Variants in CDH13 observed in about 807,000 individuals in gnomAD.
CDH13 encodes cadherin-13.
A neutral mutation model predicts 63.8 loss-of-function variants in CDH13; 24 were observed. The ratio of observed to expected loss-of-function variants is 0.38; its 90% CI spans 0.27 to 0.53. CDH13 has a LOEUF of 0.53. Among genes scored for constraint, CDH13 ranks in the 20% least tolerant of loss-of-function variants. The pLI, the probability that CDH13 is intolerant of heterozygous loss-of-function variation, is 0.85. For missense variants in CDH13, 1,049 were observed against 903.1 expected, an observed-to-expected ratio of 1.16 and a Z score of -2.07; for synonymous variants, 503 against 355.3, an observed-to-expected ratio of 1.42 and a Z score of -4.67.
chr16:83,391,652 C>G (rs1053295840), intron 6 of CDH13, among the ~76,000 whole-genome samples: 1 of 152,204 alleles, frequency 6.6e-6, no homozygotes, highest in African/African-American at 2.4e-5. Context: ...CCAGAGTATC[C>G]TCACACAGGG....
intron 10 of CDH13, among the ~76,000 whole-genome samples, chr16:83,739,408 G>A (rs967158178): frequency 6.6e-6 from 1 of 152,196 alleles, no homozygotes; most frequent in East Asian, 1.9e-4. Context: ...GGTTTCCCCA[G>A]GATGTTGCCC....
chr16:82,930,357 G>A (rs2042450498), intron 2 of CDH13, among the ~76,000 whole-genome samples: 1 of 152,080 alleles, frequency 6.6e-6, no homozygotes, highest in Admixed American at 6.5e-5. Context: ...TACTGTAATA[G>A]ATCAACAGCT....
intron 2 of CDH13, among the ~76,000 whole-genome samples, chr16:82,912,859 C>A (rs935694530): frequency 6.6e-6 from 1 of 151,328 alleles, no homozygotes; most frequent in African/African-American, 2.4e-5. Flanking sequence ...AGGAGAATGG[C>A]GTGAACCCGG....
intron 1 of CDH13, among the ~76,000 whole-genome samples, chr16:82,642,784 A>T (rs189276631): frequency 5.1e-4 from 77 of 152,336 alleles, no homozygotes; most frequent in African/African-American, 1.6e-3. Flanking sequence ...AGTGCTTCAG[A>T]TGCATTAATC....
intron 6 of CDH13, among the ~76,000 whole-genome samples, chr16:83,353,794 G>C (rs1319604547): frequency 1.3e-5 from 2 of 152,078 alleles, no homozygotes; most frequent in Non-Finnish European, 2.9e-5. Context: ...TTTGTATTCT[G>C]GGTGAACTGG....
intron 5 of CDH13, among the ~76,000 whole-genome samples, chr16:83,266,864 C>G (rs7184408): frequency 0.24 from 35,952 of 152,046 alleles, 4,539 homozygotes; most frequent in Admixed American, 0.29. Flanking sequence ...TTCCTGGTCT[C>G]AAGTCGGGAT....
At chr16:83,134,532 G>T (rs1182608643) in intron 4 of CDH13, among the ~76,000 whole-genome samples, 1 of 138,690 alleles carries the variant, frequency 7.2e-6, no homozygotes, top group African/African-American at 2.7e-5. Context: ...TTTATGTGGG[G>T]ATGGGGTGGG....
chr16:83,454,793 A>C (rs978886390), intron 6 of CDH13, among the ~76,000 whole-genome samples: 1 of 151,804 alleles, frequency 6.6e-6, no homozygotes, highest in African/African-American at 2.4e-5. Context: ...TGCAACCTCC[A>C]CCTCCCGGGT....
chr16:83,649,919 C>T (rs1912201536), intron 8 of CDH13, among the ~76,000 whole-genome samples: 1 of 152,206 alleles, frequency 6.6e-6, no homozygotes, highest in Admixed American at 6.5e-5. Context: ...AAAGCCCACA[C>T]TTTGCATAGG....
At chr16:83,457,102 C>A (rs575577755) in intron 6 of CDH13, among the ~76,000 whole-genome samples, 49 of 152,226 alleles carry the variant, frequency 3.2e-4, no homozygotes, top group African/African-American at 1.1e-3. Context: ...AGGATGGAGT[C>A]CAAGCCAAAA....
rs187937615 is a variant in CDH13 at position 83,032,001 on chromosome 16, G to A, written c.158-9G>A. ...TCATGCTCCTTCTGTTGTTTCGTTT[G>A]TTTCCCAGTGACCTTCAGTGACTGT... On this transcript the variant is annotated splice_polypyrimidine_tract_variant and intron_variant, in intron 2 of 13. Transcript: ENST00000567109. The A allele has an allele frequency of 7.6e-6, 12 of 1,572,408 alleles. No homozygotes were observed. The East Asian group carries it at 2.6e-4, about 34-fold the overall frequency.
chr16:83,114,287 GT>G (rs1327344899), intron 3 of CDH13, among the ~76,000 whole-genome samples: 1 of 152,172 alleles, frequency 6.6e-6, no homozygotes, highest in African/African-American at 2.4e-5. Flanking sequence ...TGGAGATGTT[GT>G]TTCTGATGTT....
At chr16:82,767,877 C>A (rs2035118040) in intron 1 of CDH13, among the ~76,000 whole-genome samples, 1 of 152,164 alleles carries the variant, frequency 6.6e-6, no homozygotes, top group South Asian at 2.1e-4. Flanking sequence ...ACTTAGCTTT[C>A]CAGGGAGGGG....
Position 83,015,677 on chromosome 16 carries a change from G to GTATATATATATATA in CDH13, c.158-16300_158-16287dup, listed in dbSNP as rs71148803. Among the ~76,000 whole-genome samples the GTATATATATATATA allele has an allele frequency of 3.2e-3, 122 of 37,544 alleles. 7 individuals are homozygous for GTATATATATATATA. The highest frequency in any genetic ancestry group is 3.4e-3 in the Non-Finnish European group (70 of 20,596). The allele number at this position is 37,544 out of a possible 152,430, so 24.6% of individuals were successfully genotyped here. A position where few individuals can be genotyped will look rare whatever the true frequency, so the allele number is the denominator to read the frequency against. ...CATATATGTGTGTGTGTGTGTGTAT[G>GTATATATATATATA]TATATATATATATATATATATATAT... On this transcript the variant is annotated intron_variant, in intron 2 of 13. Coordinates refer to ENST00000567109, the MANE Select transcript of CDH13 (RefSeq NM_001257.5).
At chr16:82,687,593 A>C (rs566666576) in intron 1 of CDH13, among the ~76,000 whole-genome samples, 2 of 152,176 alleles carry the variant, frequency 1.3e-5, no homozygotes, top group African/African-American at 4.8e-5. Context: ...CGTGAGACTT[A>C]TTCACTATCA....
chr16:82,656,278 G>A (rs1443743619), intron 1 of CDH13, among the ~76,000 whole-genome samples: 2 of 151,762 alleles, frequency 1.3e-5, no homozygotes, highest in African/African-American at 2.4e-5. Context: ...GGAGAAAGAG[G>A]CTGGAGTGCA....
chr16:82,790,663 C>G (rs1034459038), intron 1 of CDH13, among the ~76,000 whole-genome samples: 4 of 152,138 alleles, frequency 2.6e-5, no homozygotes, highest in African/African-American at 9.7e-5. Context: ...TTAATTGACT[C>G]ACAGTTCACC....
At chr16:83,061,468 C>T (rs1054001914) in intron 3 of CDH13, among the ~76,000 whole-genome samples, 3 of 152,182 alleles carry the variant, frequency 2.0e-5, no homozygotes. Flanking sequence ...GGATGAGTAA[C>T]TGGCAGGTCC....
intron 3 of CDH13, among the ~76,000 whole-genome samples, chr16:83,099,625 C>G (rs1254089119): frequency 1.2e-5 from 1 of 82,630 alleles, no homozygotes; most frequent in Non-Finnish European, 2.7e-5. Flanking sequence ...TGCCGGGCCT[C>G]TACATATTAC....
Sources: gnomAD v4.1 joint callset for allele counts (sites outside exome capture counted in the v4.1 genomes callset) on GRCh38, gnomAD v4.1.1 for gene constraint, MANE v1.5 for transcripts, NCBI Gene and HGNC (gene_info 2026-07-23, HGNC 2026-07-21) for gene names.